The following SPIN1 variants were observed in gnomAD, a reference collection of about 807,000 sequenced individuals.
SPIN1 encodes the protein spindlin 1.
In SPIN1, 3 loss-of-function variants were observed where a neutral mutation model predicts 26.0. The ratio of observed to expected loss-of-function variants is 0.12; its 90% CI spans 0.05 to 0.30. The LOEUF is 0.30. SPIN1 is among the 10% of genes least tolerant of loss of function. SPIN1 has a pLI of 1.00. For missense variants in SPIN1, 126 were observed against 333.4 expected (o/e 0.38, Z 4.84); for synonymous variants, 101 against 116.5 (o/e 0.87, Z 0.86).
At chr9:88,471,702 C>T (rs939980310) in intron 5 of SPIN1, among the ~76,000 whole-genome samples, 5 of 140,572 alleles carry the variant, frequency 3.6e-5, no homozygotes, top group African/African-American at 1.3e-4. Flanking sequence ...ACCACAGATA[C>T]GTGGGTGTGT....
chr9:88,444,692 T>TTC (rs1491308200), intron 2 of SPIN1, among the ~76,000 whole-genome samples: 2 of 88,352 alleles, frequency 2.3e-5, no homozygotes, highest in Admixed American at 1.0e-4. Context: ...TTTTCTTTTC[T>TTC]TTTTTTTTTT....
At chr9:88,404,464 T>G (rs867126977) in intron 1 of SPIN1, among the ~76,000 whole-genome samples, 1 of 152,206 alleles carries the variant, frequency 6.6e-6, no homozygotes, top group African/African-American at 2.4e-5. Flanking sequence ...TTTATGAAGT[T>G]CATAATTTTT....
chr9:88,456,402 C>A (rs944760078), intron 3 of SPIN1, among the ~76,000 whole-genome samples: 1 of 152,024 alleles, frequency 6.6e-6, no homozygotes, highest in Admixed American at 6.6e-5. Context: ...CTGGTGCCAA[C>A]AAGTAAATAA....
At chr9:88,459,522 A>C (rs1441522404) in intron 3 of SPIN1, among the ~76,000 whole-genome samples, 1 of 151,948 alleles carries the variant, frequency 6.6e-6, no homozygotes, top group African/African-American at 2.4e-5. Flanking sequence ...TTCTCTCTAC[A>C]ATCCTAATTT....
At position 88,462,757 on chromosome 9, in the gene SPIN1, CTTT is replaced by C; in HGVS notation, c.355+11_355+13del. ...TCCTCCCTGATAGAGTTGGTAAGTT[CTTT>C]TTATAATTTGTGCATTATATACTTT... is the stretch of plus-strand genomic sequence containing the variant. On this transcript the variant is annotated intron_variant, in intron 4 of 5. Transcript: ENST00000375859. 1 of 1,594,252 alleles carries C rather than the reference CTTT, an allele frequency of 6.3e-7. No individual in the cohort carries two copies. Among genetic ancestry groups the C allele is most frequent in the East Asian group, 2.2e-5 (1 of 44,672 alleles).
intron 1 of SPIN1, among the ~76,000 whole-genome samples, chr9:88,403,172 A>T (rs545890026): frequency 6.6e-6 from 1 of 152,070 alleles, no homozygotes; most frequent in African/African-American, 2.4e-5. Context: ...AGCTTGTTGC[A>T]TATTCTGGAT....
Position 88,468,465 on chromosome 9 carries a change from A to G in SPIN1, c.449A>G (p.Glu150Gly). The change falls in exon 5 of 6, where the codon GAG becomes GGG. Residue 150 changes from glutamate to glycine, a missense_variant. This residue lies in a region of SPIN1 where 10 missense variants were observed against 44.5 expected (regional missense o/e 0.22). Coordinates refer to ENST00000375859, the MANE Select transcript of SPIN1 (RefSeq NM_006717.3). ...GAGACAGAGGATGGTTCTAAAGATG[A>G]GTGGAGGGGAATGGTCTTAGCACGT... Reference protein sequence around the residue: ...MFETEDGSKDEWRGMVLARAP... With the variant: ...MFETEDGSKDGWRGMVLARAP... The G allele has an allele frequency of 6.2e-7, 1 of 1,613,610 alleles. No individual in the cohort carries two copies. Among genetic ancestry groups the G allele is most frequent in the Non-Finnish European group, 8.5e-7 (1 of 1,179,864 alleles).
intron 1 of SPIN1, among the ~76,000 whole-genome samples, chr9:88,409,564 G>A (rs1208911087): frequency 6.6e-6 from 1 of 151,810 alleles, no homozygotes; most frequent in African/African-American, 2.4e-5. Context: ...GGCCAGGTGC[G>A]GTGGCTCATT....
At chr9:88,397,944 G>A (rs12342796) in intron 1 of SPIN1, among the ~76,000 whole-genome samples, 49,881 of 151,306 alleles carry the variant, frequency 0.33, 15,509 homozygotes, top group African/African-American at 0.82. Context: ...TTTTTGAGAC[G>A]AGGTCTCACT....
chr9:88,432,314 C>T (rs1411820485), intron 2 of SPIN1, among the ~76,000 whole-genome samples: 1 of 151,598 alleles, frequency 6.6e-6, no homozygotes. Context: ...CTCAGCCTCC[C>T]AAGTAGTGGA....
intron 3 of SPIN1, among the ~76,000 whole-genome samples, chr9:88,461,673 C>T (rs368197968): frequency 6.6e-6 from 1 of 152,042 alleles, no homozygotes; most frequent in Non-Finnish European, 1.5e-5. Context: ...TTGTTCTTGG[C>T]GTATATCAGC....
At chr9:88,473,643 T>TTGTGTGTGTGTGTGTG (rs113216961) in intron 5 of SPIN1, among the ~76,000 whole-genome samples, 3 of 119,256 alleles carry the variant, frequency 2.5e-5, no homozygotes, top group African/African-American at 8.7e-5. Context: ...TTCTCCAAAC[T>TTGTGTGTGTGTGTGTG]TGTGTGTGTG....
At chr9:88,396,463 G>C (rs998241938) in intron 1 of SPIN1, among the ~76,000 whole-genome samples, 1 of 151,534 alleles carries the variant, frequency 6.6e-6, no homozygotes, top group African/African-American at 2.4e-5. Context: ...TTAGCCAGGT[G>C]TGGTGGCGCA....
Position 88,478,579 on chromosome 9 carries a change from C to A in SPIN1, c.*3302C>A, listed in dbSNP as rs928673812. ...TACAATGTGTAGACAGTTCCCTGTT[C>A]TCTGCATTTAGAAGTATACACAATA... On this transcript the variant is annotated 3_prime_UTR_variant, in exon 6 of 6. Coordinates refer to ENST00000375859, the MANE Select transcript of SPIN1 (RefSeq NM_006717.3). The A allele has an allele frequency of 6.6e-6, 1 of 152,266 alleles. No homozygotes were observed. The highest frequency in any genetic ancestry group is 1.5e-5 in the Non-Finnish European group (1 of 68,012). The allele number at this position is 152,266 out of a possible 1,614,324, so 9.4% of individuals were successfully genotyped here.
At chr9:88,433,353 G>C (rs1315285392) in intron 2 of SPIN1, among the ~76,000 whole-genome samples, 1 of 152,178 alleles carries the variant, frequency 6.6e-6, no homozygotes, top group Non-Finnish European at 1.5e-5. Context: ...TAAGTGCTGG[G>C]ACTACAGTCA....
intron 2 of SPIN1, among the ~76,000 whole-genome samples, chr9:88,442,608 C>T (rs1393834741): frequency 6.6e-6 from 1 of 151,862 alleles, no homozygotes; most frequent in East Asian, 2.0e-4. Context: ...TGGTCTCAAA[C>T]TCCTGACCTC....
intron 2 of SPIN1, among the ~76,000 whole-genome samples, chr9:88,427,592 TTC>T (rs1491423252): frequency 2.0e-5 from 3 of 152,072 alleles, no homozygotes; most frequent in Non-Finnish European, 4.4e-5. Context: ...GACTTTTTTT[TTC>T]TTTTTCTCTC....
At chr9:88,455,430 T>C (rs754784260) in intron 3 of SPIN1, among the ~76,000 whole-genome samples, 8 of 152,248 alleles carry the variant, frequency 5.3e-5, no homozygotes, top group Non-Finnish European at 1.2e-4. Flanking sequence ...CACTTCAGCC[T>C]GTGCAGCAAG....
chr9:88,442,263 AAGTT>A (rs1828150041), intron 2 of SPIN1, among the ~76,000 whole-genome samples: 1 of 151,802 alleles, frequency 6.6e-6, no homozygotes, highest in South Asian at 2.1e-4. Context: ...ATAAAACTGT[AAGTT>A]AGTAGTTTTT....
Sources: allele counts gnomAD v4.1 joint callset (sites outside exome capture counted in the v4.1 genomes callset), GRCh38; gene constraint gnomAD v4.1.1; regional missense constraint gnomAD v4.1.1; transcripts MANE v1.5; gene names NCBI Gene and HGNC (gene_info 2026-07-23, HGNC 2026-07-21).